Variants in FLT4 observed in about 807,000 individuals in gnomAD.
FLT4 encodes fms related receptor tyrosine kinase 4.
Under a neutral mutation model 163.2 loss-of-function variants are expected in FLT4, and 30 were observed. That is an observed-to-expected ratio of 0.18 (90% confidence interval 0.14 to 0.25). FLT4 has a LOEUF of 0.25. Ranked by LOEUF, FLT4 falls within the 10% of genes least tolerant of loss-of-function variation. The pLI is 1.00. For missense variants in FLT4, 1,510 were observed against 1,863.8 expected (o/e 0.81, Z 3.50); for synonymous variants, 884 against 789.5 (o/e 1.12, Z -2.01).
At chr5:180,610,669 G>A (rs1393794056) in intron 27 of FLT4, among the ~76,000 whole-genome samples, 3 of 152,228 alleles carry the variant, frequency 2.0e-5, no homozygotes, top group Non-Finnish European at 2.9e-5. Flanking sequence ...AGGGACTCTT[G>A]GGGACTCACC....
At chr5:180,618,988 C>G in intron 20 of FLT4, 33 bp downstream of exon 20, 2 of 1,548,460 alleles carry the variant, frequency 1.3e-6, no homozygotes, top group Non-Finnish European at 1.7e-6. Context: ...CATTCCCCCG[C>G]CGCCCGCGGC....
chr5:180,631,892 C>T, intron 1 of FLT4, 114 bp from the exon 2 acceptor site: 1 of 742,058 alleles, frequency 1.3e-6, no homozygotes, highest in Non-Finnish European at 2.3e-6. Flanking sequence ...GCCGGAGCAG[C>T]TCAGGTTCTC....
chr5:180,627,372 G>A (rs969143014), intron 8 of FLT4, among the ~76,000 whole-genome samples: 19 of 152,300 alleles, frequency 1.2e-4, no homozygotes, highest in South Asian at 1.2e-3. Context: ...CTGAGGTGGT[G>A]CTGTCTGCAT....
intron 1 of FLT4, among the ~76,000 whole-genome samples, chr5:180,634,881 GGTGGATGGATGC>G (rs766127600): frequency 1.3e-3 from 17 of 13,566 alleles, no homozygotes; most frequent in East Asian, 0.013. Flanking sequence ...TGGGTGGGTG[GGTGGATGGATGC>G]ATGGATGGAT....
At chr5:180,621,990 C>CCCTT (rs2127818239) in intron 12 of FLT4, 86 bp from the exon 13 acceptor site, 3 of 1,519,130 alleles carry the variant, frequency 2.0e-6, no homozygotes, top group Non-Finnish European at 1.8e-6. Context: ...CCTCCTGCCT[C>CCCTT]CCTCCCTCCC....
At position 180,611,556 on chromosome 5, in the gene FLT4, T is replaced by TCGCCCC. The variant is rs1762197941; in HGVS notation, c.3538-78_3538-77insGGGGCG. The TCGCCCC allele has an allele frequency of 3.0e-6, 4 of 1,339,388 alleles. No homozygotes were observed. In the Admixed American group the frequency reaches 1.0e-4, roughly 34 times the overall value. 83.0% of individuals were successfully genotyped at this position (1,339,388 alleles called of 1,614,324 possible). The stretch of plus-strand genomic sequence containing the variant: ...CAGCCCTCGCCCCCACCCTCAGCCC[T>TCGCCCC]CACCCCCGCCCTCAGCCCTCACCCC... On this transcript the variant is annotated intron_variant, in intron 26 of 29. Coordinates refer to ENST00000261937, the MANE Select transcript of FLT4 (RefSeq NM_182925.5).
rs956437104 is a variant in FLT4 at position 180,623,138 on chromosome 5, C to T, written c.1549-299G>A. On this transcript the variant is annotated intron_variant, in intron 11 of 29. Coordinates refer to ENST00000261937, the MANE Select transcript of FLT4 (RefSeq NM_182925.5). This position sits in a 1 kb window ranked among gnomAD's most constrained non-coding sequence, Gnocchi z 5.8. ...TGGCAGGACCAGAGAGACCTCTGGC[C>T]GTGGCTATGTTGAGGGGGCACCAGC... Among the ~76,000 whole-genome samples the T allele has an allele frequency of 9.2e-5, 14 of 152,130 alleles. No homozygotes were observed. The highest frequency in any genetic ancestry group is 3.2e-3 in the Middle Eastern group (1 of 316).
In FLT4 at chr5:180,620,218, A is replaced by T; in HGVS notation, c.2497T>A (p.Tyr833Asn). 1 of 1,611,260 alleles carries T rather than the reference A, an allele frequency of 6.2e-7. No homozygotes were observed. The highest frequency in any genetic ancestry group is 1.1e-5 in the South Asian group (1 of 91,074). ...PLEEQCEYLS[Y>N]DASQWEFPRE... is the part of the protein sequence containing the mutation. Reference sequence around the variant, plus strand: ...GGGAATTCCCACTGGCTGGCATCGTAGGACAGGTATTCGCATTGCTCCTCC... The same window carrying T: ...GGGAATTCCCACTGGCTGGCATCGTTGGACAGGTATTCGCATTGCTCCTCC... The change falls in exon 17 of 30, where the codon TAC becomes AAC. Residue 833 changes from tyrosine (Y) to asparagine (N), a missense_variant. Tyr to Asn is a moderately radical substitution (Grantham distance 143). Around this residue, in one of 5 missense-constraint regions of FLT4, gnomAD observed 878 missense variants for 1,016.7 expected, o/e 0.86. Transcript: ENST00000261937. This position sits in a 1 kb window ranked among gnomAD's most constrained non-coding sequence, Gnocchi z 4.4.
chr5:180,637,425 A>AC (rs1764773769), intron 1 of FLT4, among the ~76,000 whole-genome samples: 1 of 151,942 alleles, frequency 6.6e-6, no homozygotes, highest in Admixed American at 6.6e-5. Context: ...AAATCCTCTG[A>AC]CATGCCTCCT....
At chr5:180,648,461 G>A (rs1017697473) in intron 1 of FLT4, among the ~76,000 whole-genome samples, 1 of 152,190 alleles carries the variant, frequency 6.6e-6, no homozygotes, top group Non-Finnish European at 1.5e-5. Flanking sequence ...TTACAAGCAT[G>A]TAAAGCCAGT....
At chr5:180,638,540 C>T (rs1764857478) in intron 1 of FLT4, among the ~76,000 whole-genome samples, 1 of 152,234 alleles carries the variant, frequency 6.6e-6, no homozygotes. Flanking sequence ...TTAAAAAGCA[C>T]AGGCCTGATC....
At chr5:180,617,925 A>C (rs536427417) in intron 21 of FLT4, among the ~76,000 whole-genome samples, 1 of 44,440 alleles carries the variant, frequency 2.3e-5, no homozygotes, top group Non-Finnish European at 4.7e-5. Flanking sequence ...CCCACGTCCT[A>C]CTCCCAGAGC....
chr5:180,637,629 T>G (rs913319652), intron 1 of FLT4, among the ~76,000 whole-genome samples: 3 of 152,060 alleles, frequency 2.0e-5, no homozygotes, highest in African/African-American at 7.2e-5. Flanking sequence ...ACCTTCCGGG[T>G]TCAAGTGATT....
At chr5:180,631,544 G>A (rs1764161930) in intron 2 of FLT4, 138 bp downstream of exon 2, 1 of 723,676 alleles carries the variant, frequency 1.4e-6, no homozygotes, top group Non-Finnish European at 2.5e-6. Flanking sequence ...CCCACAGCCT[G>A]GGAGACCACA....
At chr5:180,603,485 G>T in intron 29 of FLT4, 95 bp from the exon 30 acceptor site, 1 of 1,147,688 alleles carries the variant, frequency 8.7e-7, no homozygotes, top group Non-Finnish European at 1.3e-6. Flanking sequence ...GCCTAGGCAG[G>T]CGGATGGCTT....
At position 180,602,961 on chromosome 5, in the gene FLT4, G is replaced by C; in HGVS notation, c.*231C>G. The C allele has an allele frequency of 8.4e-6, 5 of 598,454 alleles. No individual in the cohort carries two copies. The highest frequency in any genetic ancestry group is 1.5e-5 in the Non-Finnish European group (5 of 335,210). The allele number at this position is 598,454 out of a possible 1,614,324, so 37.1% of individuals were successfully genotyped here. A position where few individuals can be genotyped will look rare whatever the true frequency, so the allele number is the denominator to read the frequency against. ...AACTAAATGACATCTGAATCTCAGG[G>C]GGAGGGGCCGGGGCAGCTGGAGCGT... is the stretch of plus-strand genomic sequence containing the variant. On this transcript the variant is annotated 3_prime_UTR_variant, in exon 30 of 30. Transcript: ENST00000261937.
At chr5:180,629,232 C>A in intron 7 of FLT4, 27 bp downstream of exon 7, 3 of 1,612,386 alleles carry the variant, frequency 1.9e-6, no homozygotes, top group Non-Finnish European at 2.5e-6. Flanking sequence ...CCACAGGGCA[C>A]AAGGACCCTG....
intron 13 of FLT4, 68 bp from the exon 14 acceptor site, chr5:180,621,320 G>T: frequency 6.5e-7 from 1 of 1,547,756 alleles, no homozygotes; most frequent in South Asian, 1.2e-5. Context: ...TTTGGGCTGG[G>T]AGCAGAGGTA....
chr5:180,621,597 C>G lies in FLT4; in HGVS notation c.1965G>C (p.Val655=). The change falls in exon 13 of 30, where the codon GTG becomes GTC. Residue 655 remains valine, a synonymous_variant. Transcript: ENST00000261937. ...GCTTGTCATGGCTGCGCCGGTCTTG[C>G]ACTTCGCACACATAGTGGCCCTCGT... ...PEHEGHYVCE[V]QDRRSHDKHC... The G allele has an allele frequency of 6.2e-7, 1 of 1,609,886 alleles. No individual in the cohort carries two copies. The highest frequency in any genetic ancestry group is 8.5e-7 in the Non-Finnish European group (1 of 1,177,892).
Sources: allele counts gnomAD v4.1 joint callset (sites outside exome capture counted in the v4.1 genomes callset), GRCh38; gene constraint gnomAD v4.1.1; regional missense constraint gnomAD v4.1.1; non-coding constraint Gnocchi (gnomAD v3.1); transcripts MANE v1.5; gene names NCBI Gene and HGNC (gene_info 2026-07-23, HGNC 2026-07-21).